AFDN: variants seen among roughly 807,000 people sequenced by gnomAD.
The protein encoded by AFDN is afadin.
In AFDN, 68 loss-of-function variants were observed where a neutral mutation model predicts 216.6. The ratio of observed to expected loss-of-function variants is 0.31; its 90% CI spans 0.26 to 0.38. The LOEUF (loss-of-function observed/expected upper bound fraction) is 0.38, where lower values mean the gene tolerates loss of function less well. AFDN is among the 10% of genes least tolerant of loss of function. AFDN has a pLI of 1.00. For synonymous variants in AFDN, 868 were observed against 853.7 expected, an observed-to-expected ratio of 1.02 and a Z score of -0.29; for missense variants, 2,136 against 2,342.0, an observed-to-expected ratio of 0.91 and a Z score of 1.82.
chr6:167,885,437 CA>C (rs1583279258), intron 6 of AFDN, among the ~76,000 whole-genome samples: 1 of 152,066 alleles, frequency 6.6e-6, no homozygotes, highest in Non-Finnish European at 1.5e-5. Flanking sequence ...ACTTAGAGGT[CA>C]TTTTAGGGTA....
At chr6:167,842,997 T>A (rs1781241504) in intron 1 of AFDN, among the ~76,000 whole-genome samples, 1 of 152,082 alleles carries the variant, frequency 6.6e-6, no homozygotes, top group Non-Finnish European at 1.5e-5. Flanking sequence ...AAGAGAGGAA[T>A]TGAGGAAATA....
intron 1 of AFDN, among the ~76,000 whole-genome samples, chr6:167,847,538 A>G (rs1469767846): frequency 2.0e-5 from 3 of 152,080 alleles, no homozygotes; most frequent in African/African-American, 7.2e-5. Context: ...CACTTTACCA[A>G]TTGCTAATGT....
chr6:167,903,133 G>T (rs1315097693), intron 12 of AFDN, among the ~76,000 whole-genome samples: 1 of 152,154 alleles, frequency 6.6e-6, no homozygotes, highest in Non-Finnish European at 1.5e-5. Flanking sequence ...GGAATAATCA[G>T]TTCATTTCCT....
At chr6:167,891,408 G>GGTGTGTGTGTGTGTGTGT (rs71004178) in intron 8 of AFDN, among the ~76,000 whole-genome samples, 1 of 72,044 alleles carries the variant, frequency 1.4e-5, no homozygotes, top group Non-Finnish European at 2.9e-5. Context: ...TAAAGGGGTG[G>GGTGTGTGTGTGTGTGTGT]GTGTGTGTGT....
At chr6:167,953,594 G>T (rs1796218790) in intron 30 of AFDN, among the ~76,000 whole-genome samples, 1 of 152,140 alleles carries the variant, frequency 6.6e-6, no homozygotes, top group Admixed American at 6.5e-5. Flanking sequence ...ATGAGTAGCT[G>T]TGTTTACTGT....
rs555348365 is a variant in AFDN, at chr6:167,970,186, G to T, written c.*251G>T. On this transcript the variant is annotated 3_prime_UTR_variant, in exon 34 of 34. Transcript: ENST00000683244. ...AATTATCTAACTCACACGAGGGTAA[G>T]TTTTTTGTTGGTTTCTTTTTTGGAG... 6.9e-5 allele frequency: 28 copies of T among 404,822 alleles called. No homozygotes were observed. In the South Asian group the frequency reaches 1.0e-3, roughly 15 times the overall value. 25.1% of individuals were successfully genotyped at this position (404,822 alleles called of 1,614,324 possible).
intron 1 of AFDN, among the ~76,000 whole-genome samples, chr6:167,845,660 G>C (rs1415866078): frequency 1.3e-5 from 2 of 152,202 alleles, no homozygotes; most frequent in African/African-American, 4.8e-5. Flanking sequence ...ACAGGCGTGA[G>C]CCACCACGCC....
chr6:167,946,768 T>C lies in AFDN; in HGVS notation c.3420T>C (p.Asn1140=). The change falls in exon 27 of 34, where the codon AAT becomes AAC. Residue 1140 remains asparagine, a synonymous_variant. Transcript: ENST00000683244. ...AGAGTGAAGGCTTTGAGCTCTATAATAATTCAACTCAAAATGGGTCTCCTG... is the reference window on the plus strand; with the variant it reads ...AGAGTGAAGGCTTTGAGCTCTATAACAATTCAACTCAAAATGGGTCTCCTG... ...RPKSEGFELY[N]NSTQNGSPES... The C allele has an allele frequency of 6.2e-7, 1 of 1,614,024 alleles. No homozygotes were observed. Among genetic ancestry groups the C allele is most frequent in the Non-Finnish European group, 8.5e-7 (1 of 1,179,966 alleles).
intron 6 of AFDN, among the ~76,000 whole-genome samples, chr6:167,887,617 G>A (rs968308348): frequency 2.0e-5 from 3 of 151,738 alleles, no homozygotes; most frequent in Non-Finnish European, 2.9e-5. Flanking sequence ...TGCCATGTCC[G>A]GCTAATTTTT....
intron 23 of AFDN, among the ~76,000 whole-genome samples, chr6:167,929,690 G>A (rs1211839612): frequency 1.3e-4 from 20 of 152,208 alleles, no homozygotes; most frequent in Non-Finnish European, 2.9e-5. Context: ...GGAGTCAGAC[G>A]GGAAGAGGTA....
upstream of AFDN, chr6:167,826,654 C>A (rs1583047081): frequency 2.1e-6 from 1 of 482,394 alleles, no homozygotes; most frequent in East Asian, 5.5e-5. Flanking sequence ...CCGAACCGAA[C>A]CTAGCACCGC....
In AFDN at chr6:167,962,447, G is replaced by T; in HGVS notation, c.4848G>T (p.Glu1616Asp). 2 of 1,613,764 alleles carry T rather than the reference G, an allele frequency of 1.2e-6. No individual in the cohort carries two copies. The highest frequency in any genetic ancestry group is 1.7e-6 in the Non-Finnish European group (2 of 1,179,846). Reference protein sequence around the residue: ...AERRARLQDEERRRQQQLEEM... With the variant: ...AERRARLQDEDRRRQQQLEEM... ...CCTGTTGTTAGTTGCAGGACGAGGAGCGGAGGCGGCAGCAGCAGTTAGAAG... is the reference window on the plus strand; with the variant it reads ...CCTGTTGTTAGTTGCAGGACGAGGATCGGAGGCGGCAGCAGCAGTTAGAAG... The change falls in exon 31 of 34, where the codon GAG (glutamate) becomes GAT (aspartate). Residue 1616 changes from glutamate to aspartate, a missense_variant. Glu to Asp is a conservative substitution (Grantham distance 45, BLOSUM62 2). This residue lies in a region of AFDN where 981 missense variants were observed against 966.0 expected (regional missense o/e 1.02). Transcript: ENST00000683244. The surrounding 1 kb of genome is among the most constrained non-coding windows in gnomAD (Gnocchi z 5.2).
rs774067436 is a variant in AFDN, at chr6:167,969,984, G to A, written c.*49G>A. The A allele has an allele frequency of 6.6e-7, 1 of 1,525,112 alleles. No homozygotes were observed. Among genetic ancestry groups the A allele is most frequent in the African/African-American group, 1.4e-5 (1 of 70,820 alleles). The allele number at this position is 1,525,112 out of a possible 1,614,324, so 94.5% of individuals were successfully genotyped here. A position where few individuals can be genotyped will look rare whatever the true frequency, so the allele number is the denominator to read the frequency against. The stretch of plus-strand genomic sequence containing the variant: ...TATTTACCCCAAAATCTTTTCAGTT[G>A]TGGGTTTGTAGGTGCGAGTTTGAAG... On this transcript the variant is annotated 3_prime_UTR_variant, in exon 34 of 34. Coordinates refer to ENST00000683244, the MANE Select transcript of AFDN (RefSeq NM_001386888.1).
At chr6:167,830,381 G>T (rs758374757) in intron 1 of AFDN, among the ~76,000 whole-genome samples, 1 of 152,176 alleles carries the variant, frequency 6.6e-6, no homozygotes, top group Non-Finnish European at 1.5e-5. Context: ...ATCTTGCATG[G>T]TAGGAGCTCA....
In AFDN at chr6:167,969,176, G is replaced by T; in HGVS notation, c.5320G>T (p.Ala1774Ser). Residue 1774 changes from alanine to serine, a missense_variant, in exon 33 of 34, where the codon GCA (alanine) becomes TCA (serine). Ala to Ser is a moderately conservative substitution (Grantham distance 99, BLOSUM62 1). Transcript: ENST00000683244. ...TGGAGCCCATGACGCCTGTCGGGAT[G>T]CAAAAGAGAAGCGCTCTAAAAGGTA... The part of the protein sequence containing the change: ...AVGAHDACRD[A>S]KEKRSKSQDA... 1 of 1,613,920 alleles carries T rather than the reference G, an allele frequency of 6.2e-7. No homozygotes were observed.
chr6:167,945,274 C>T (rs1795132164), intron 26 of AFDN, among the ~76,000 whole-genome samples: 1 of 152,078 alleles, frequency 6.6e-6, no homozygotes, highest in South Asian at 2.1e-4. Context: ...TGTCTTCCAC[C>T]TCCACATCTG....
chr6:167,941,773 G>A (rs4708612), intron 23 of AFDN, among the ~76,000 whole-genome samples: 11,708 of 70,816 alleles, frequency 0.17, 1,610 homozygotes, highest in East Asian at 0.54. Flanking sequence ...GGATGTAGGG[G>A]TGAGGGTGGA....
At chr6:167,848,146 A>G (rs780104467) in intron 1 of AFDN, among the ~76,000 whole-genome samples, 21 of 152,152 alleles carry the variant, frequency 1.4e-4, no homozygotes, top group African/African-American at 4.6e-4. Context: ...CTAAATGGCA[A>G]GCTTTTTGAA....
chr6:167,897,066 A>G (rs781735693), intron 10 of AFDN, 94 bp downstream of exon 10: 2 of 587,350 alleles, frequency 3.4e-6, no homozygotes, highest in South Asian at 5.0e-5. Context: ...AGAAGGAATT[A>G]TAATTACCGA....
Sources: allele counts gnomAD v4.1 joint callset (sites outside exome capture counted in the v4.1 genomes callset), GRCh38; gene constraint gnomAD v4.1.1; regional missense constraint gnomAD v4.1.1; non-coding constraint Gnocchi (gnomAD v3.1); transcripts MANE v1.5; gene names NCBI Gene and HGNC (gene_info 2026-07-23, HGNC 2026-07-21).